LPP: variants seen among roughly 807,000 people sequenced by gnomAD.
LPP encodes the protein lipoma-preferred partner.
A neutral mutation model predicts 60.4 loss-of-function variants in LPP; 38 were observed. The observed-to-expected ratio is 0.63, with a 90% confidence interval of 0.49 to 0.83. The LOEUF (loss-of-function observed/expected upper bound fraction) is 0.83. Ranked by LOEUF, LPP falls within the 40% of genes least tolerant of loss-of-function variation. The probability of loss-of-function intolerance (pLI) is 0.00; values close to 1 mark genes in which losing one functional copy is unlikely to be tolerated. For synonymous variants in LPP, 328 were observed against 290.8 expected (o/e 1.13, Z -1.30); for missense variants, 902 against 783.6 (o/e 1.15, Z -1.80).
chr3:188,430,114 A>G (rs1790518981), intron 4 of LPP, among the ~76,000 whole-genome samples: 2 of 152,168 alleles, frequency 1.3e-5, no homozygotes, highest in Non-Finnish European at 2.9e-5. Flanking sequence ...GGGTTTATCT[A>G]TAGCTTAATA....
chr3:188,805,585 G>C (rs1258133799), intron 9 of LPP, among the ~76,000 whole-genome samples: 2 of 150,668 alleles, frequency 1.3e-5, no homozygotes, highest in East Asian at 3.9e-4. Flanking sequence ...TTGGTTTTCT[G>C]CTCTCAATTA....
chr3:188,310,019 A>G (rs969097114), intron 2 of LPP, among the ~76,000 whole-genome samples: 1 of 152,156 alleles, frequency 6.6e-6, no homozygotes, highest in Non-Finnish European at 1.5e-5. Flanking sequence ...TCTTTCACAC[A>G]GGCCAAAAAC....
chr3:188,606,923 C>G (rs978662183), intron 6 of LPP, among the ~76,000 whole-genome samples: 4 of 152,048 alleles, frequency 2.6e-5, no homozygotes, highest in Non-Finnish European at 5.9e-5. Context: ...GAGACAGTGA[C>G]TGAGCAACTG....
chr3:188,760,477 C>T (rs1731944291), intron 9 of LPP, among the ~76,000 whole-genome samples, 195 bp downstream of exon 9: 1 of 148,698 alleles, frequency 6.7e-6, no homozygotes, highest in Admixed American at 6.8e-5. Flanking sequence ...TTTTTTTCTA[C>T]ACATCCCCCA....
chr3:188,517,570 A>C (rs893686072), intron 5 of LPP, among the ~76,000 whole-genome samples: 3 of 152,182 alleles, frequency 2.0e-5, no homozygotes, highest in African/African-American at 7.2e-5. Context: ...ACATCCCCGA[A>C]TCTGGGAAGA....
At chr3:188,595,162 C>T (rs537933862) in intron 6 of LPP, among the ~76,000 whole-genome samples, 6 of 152,030 alleles carry the variant, frequency 3.9e-5, no homozygotes, top group African/African-American at 1.4e-4. Context: ...CAATCAAATC[C>T]CCTAATTTTA....
intron 8 of LPP, among the ~76,000 whole-genome samples, chr3:188,748,850 G>A (rs9865310): frequency 0.19 from 29,014 of 152,082 alleles, 3,452 homozygotes; most frequent in Middle Eastern, 0.41. Context: ...TTAAATGAAT[G>A]TTCTAGATAA....
intron 2 of LPP, among the ~76,000 whole-genome samples, chr3:188,248,251 G>C (rs1360963600): frequency 6.6e-6 from 1 of 151,684 alleles, no homozygotes; most frequent in Non-Finnish European, 1.5e-5. Flanking sequence ...TTGGGCGAAG[G>C]GAGCGAAAGG....
chr3:188,524,583 A>G (rs1418628320), intron 5 of LPP, 82 bp from the exon 6 acceptor site: 4 of 1,438,548 alleles, frequency 2.8e-6, no homozygotes, highest in Non-Finnish European at 3.7e-6. Context: ...GGACAAAGCC[A>G]CATTATAACT....
At chr3:188,768,941 T>C (rs1261356205) in intron 9 of LPP, among the ~76,000 whole-genome samples, 1 of 152,200 alleles carries the variant, frequency 6.6e-6, no homozygotes, top group African/African-American at 2.4e-5. Context: ...CTTAAGACTG[T>C]ATGTACATAT....
intron 2 of LPP, among the ~76,000 whole-genome samples, chr3:188,228,750 C>T (rs564844239): frequency 6.6e-6 from 1 of 152,268 alleles, no homozygotes; most frequent in Non-Finnish European, 1.5e-5. Flanking sequence ...ATGAGATGTG[C>T]AACCCTAGAA....
chr3:188,829,055 C>G (rs1278232427), intron 9 of LPP, among the ~76,000 whole-genome samples: 3 of 152,094 alleles, frequency 2.0e-5, no homozygotes, highest in Admixed American at 6.6e-5. Flanking sequence ...TCTATACCCC[C>G]CATTGTGCCC....
At chr3:188,602,164 A>ATG (rs1491429052) in intron 6 of LPP, among the ~76,000 whole-genome samples, 2 of 98,924 alleles carry the variant, frequency 2.0e-5, no homozygotes, top group Admixed American at 9.1e-5. Context: ...ATATATATAT[A>ATG]ATATATATAT....
chr3:188,443,511 G>A (rs551175038), intron 4 of LPP, among the ~76,000 whole-genome samples: 20 of 152,322 alleles, frequency 1.3e-4, no homozygotes, highest in Non-Finnish European at 2.4e-4. Flanking sequence ...ATATTGTATA[G>A]AAGCGTATCG....
intron 4 of LPP, among the ~76,000 whole-genome samples, chr3:188,477,588 T>G (rs915181995): frequency 6.6e-6 from 1 of 152,190 alleles, no homozygotes; most frequent in African/African-American, 2.4e-5. Flanking sequence ...TTCCTGGTGG[T>G]TTTTAAAACC....
rs1254756971 is a variant in LPP, at chr3:188,623,038, AAAAAAAAAAG to A, written c.1113+13196_1113+13205del. ...GAGAGACTCCATCTTAAAAAAAAAA[AAAAAAAAAAG>A]AGAGAGCTAACATCTTCACTTTTTA... On this transcript the variant is annotated intron_variant, in intron 7 of 11. Transcript: ENST00000617246. Among the ~76,000 whole-genome samples the A allele has an allele frequency of 4.1e-5, 5 of 122,748 alleles. 1 individual carries two copies. In the East Asian group the frequency reaches 1.5e-3, roughly 38 times the overall value. The allele number at this position is 122,748 out of a possible 152,430, so 80.5% of individuals were successfully genotyped here.
chr3:188,840,443 T>C (rs1263830434), intron 9 of LPP, among the ~76,000 whole-genome samples: 2 of 152,320 alleles, frequency 1.3e-5, no homozygotes, highest in Middle Eastern at 3.4e-3. Context: ...TGTGCATTTG[T>C]AGAGGGCTGG....
chr3:188,241,337 C>G (rs534781182), intron 2 of LPP, among the ~76,000 whole-genome samples: 1 of 152,316 alleles, frequency 6.6e-6, no homozygotes, highest in South Asian at 2.1e-4. Flanking sequence ...TGCTGGACAG[C>G]CCCAGACACC....
intron 7 of LPP, among the ~76,000 whole-genome samples, chr3:188,660,010 G>A (rs141443490): frequency 2.0e-5 from 3 of 152,102 alleles, no homozygotes; most frequent in South Asian, 2.1e-4. Flanking sequence ...CCTTTAAAGC[G>A]TAAGCACGAG....
Sources: allele counts gnomAD v4.1 joint callset (sites outside exome capture counted in the v4.1 genomes callset), GRCh38; gene constraint gnomAD v4.1.1; transcripts MANE v1.5; gene names NCBI Gene and HGNC (gene_info 2026-07-23, HGNC 2026-07-21).